TRPC5: variants seen among roughly 807,000 people sequenced by gnomAD.
The protein encoded by TRPC5 is transient receptor potential cation channel subfamily C member 5, also known as short transient receptor potential channel 5.
In TRPC5, 9 loss-of-function variants were observed where a neutral mutation model predicts 56.5. That is an observed-to-expected ratio of 0.16 (90% CI 0.10 to 0.28). The LOEUF (loss-of-function observed/expected upper bound fraction) is 0.28. TRPC5 is among the 10% of genes least tolerant of loss of function. The pLI is 1.00. For missense variants in TRPC5, 469 were observed against 748.9 expected (o/e 0.63, Z 4.36); for synonymous variants, 282 against 278.5 (o/e 1.01, Z -0.13).
chrX:111,914,035 C>A (rs1170271947), intron 2 of TRPC5, among the ~76,000 whole-genome samples: 2 of 109,423 alleles, frequency 1.8e-5, no homozygotes, highest in Non-Finnish European at 3.8e-5. Flanking sequence ...AGGCAGCTTG[C>A]TAGACTCACA....
Position 111,909,420 on chromosome X carries a change from A to T in TRPC5, c.900+2871T>A, listed in dbSNP as rs192841631. ...TATGAAACTATGCTTAGATAAGTTC[A>T]CTATTGAAAGTAAAATAGACACTCC... On this transcript the variant is annotated intron_variant, in intron 3 of 10. Coordinates refer to ENST00000262839, the MANE Select transcript of TRPC5 (RefSeq NM_012471.3). Among the ~76,000 whole-genome samples the T allele has an allele frequency of 1.2e-4, 13 of 110,844 alleles. No individual in the cohort carries two copies. The East Asian group carries it at 3.4e-3, about 29-fold the overall frequency.
At chrX:111,862,722 C>T (rs1225732012) in intron 3 of TRPC5, among the ~76,000 whole-genome samples, 1 of 112,006 alleles carries the variant, frequency 8.9e-6, no homozygotes, top group Non-Finnish European at 1.9e-5. Context: ...TGTTTTGACA[C>T]CCTTGTTGAA....
intron 1 of TRPC5, among the ~76,000 whole-genome samples, chrX:112,070,808 G>C (rs1476458836): frequency 9.2e-6 from 1 of 108,545 alleles, no homozygotes; most frequent in Non-Finnish European, 1.9e-5. Context: ...ATTTTCAAAA[G>C]TATAGTTTCT....
intron 1 of TRPC5, among the ~76,000 whole-genome samples, chrX:112,041,699 A>G (rs912742438): frequency 4.5e-5 from 5 of 111,758 alleles, no homozygotes; most frequent in Non-Finnish European, 7.5e-5. Context: ...TTAATTTTTC[A>G]TTTGCAATGC....
chrX:111,915,597 T>C (rs1368020163), intron 2 of TRPC5, among the ~76,000 whole-genome samples: 1 of 111,951 alleles, frequency 8.9e-6, no homozygotes, highest in African/African-American at 3.3e-5. Flanking sequence ...GGCACAAGGT[T>C]ACATGCAAGA....
chrX:112,001,759 T>G (rs1928703120), intron 1 of TRPC5, among the ~76,000 whole-genome samples: 1 of 111,942 alleles, frequency 8.9e-6, no homozygotes, highest in Admixed American at 9.5e-5. Flanking sequence ...AGACTCTGAC[T>G]GAAAACAAAA....
At position 111,776,629 on chromosome X, in the gene TRPC5, T is replaced by C; in HGVS notation, c.2606A>G (p.Asp869Gly). 8.3e-7 allele frequency: 1 copy of C among 1,211,890 alleles called. No homozygotes were observed. Among genetic ancestry groups the C allele is most frequent in the Non-Finnish European group, 1.1e-6 (1 of 895,517 alleles). The change falls in exon 11 of 11, where the codon GAT becomes GGT. Residue 869 changes from aspartate (D) to glycine (G), a missense_variant. Transcript: ENST00000262839. ...PSSEPMYTISDGIVQQHCMWQ... is the reference protein window; with the variant it reads ...PSSEPMYTISGGIVQQHCMWQ... ...CATACAGTGCTGCTGAACAATTCCA[T>C]CAGAAATTGTGTACATTGGCTCTGA...
intron 3 of TRPC5, among the ~76,000 whole-genome samples, chrX:111,883,081 G>T (rs1376882652): frequency 6.6e-5 from 6 of 90,520 alleles, no homozygotes; most frequent in African/African-American, 2.8e-4. Flanking sequence ...GCAAGACTCT[G>T]TCTCAAAAAA....
intron 7 of TRPC5, among the ~76,000 whole-genome samples, chrX:111,824,124 G>T (rs762144192): frequency 4.6e-5 from 5 of 109,020 alleles, no homozygotes; most frequent in African/African-American, 1.3e-4. Flanking sequence ...CCAGCTACTC[G>T]GAAAGCTGAG....
chrX:111,989,169 G>A (rs186638979), intron 1 of TRPC5, among the ~76,000 whole-genome samples: 2 of 111,579 alleles, frequency 1.8e-5, no homozygotes, highest in Non-Finnish European at 3.8e-5. Flanking sequence ...GCTATCAAGT[G>A]TCTGTTAATG....
intron 1 of TRPC5, among the ~76,000 whole-genome samples, chrX:112,030,336 T>C (rs777481439): frequency 4.0e-4 from 45 of 112,656 alleles, no homozygotes; most frequent in Admixed American, 9.4e-4. Flanking sequence ...GCCTCGAAGA[T>C]ATGTGACTTG....
rs145259740 is a variant in TRPC5 at position 111,965,588 on chromosome X, C to T, written c.-21-13147G>A. ...CATAGTTGGAAGTGAAGCACTCCTC[C>T]GCAAATGTAAAAGAATAGAAATTAT... On this transcript the variant is annotated intron_variant, in intron 1 of 10. Transcript: ENST00000262839. Among the ~76,000 whole-genome samples, 725 of 111,347 alleles carry T rather than the reference C, an allele frequency of 6.5e-3. 6 individuals carry two copies. The highest frequency in any genetic ancestry group is 0.022 in the African/African-American group (666 of 30,618).
At position 112,052,758 on chromosome X, in the gene TRPC5, G is replaced by T. The variant is rs149747148; in HGVS notation, c.-22+29121C>A. Among the ~76,000 whole-genome samples the T allele has an allele frequency of 9.9e-3, 1,106 of 111,587 alleles. 11 individuals are homozygous for T. The highest frequency in any genetic ancestry group is 0.034 in the African/African-American group (1,052 of 30,722). The stretch of plus-strand genomic sequence containing the variant: ...CTGTGCTTTTAACTCTTATATTTAG[G>T]TCTTTGATTTATTTAGAGTTAATTT... On this transcript the variant is annotated intron_variant, in intron 1 of 10. Coordinates refer to ENST00000262839, the MANE Select transcript of TRPC5 (RefSeq NM_012471.3).
At chrX:111,939,479 T>C (rs1926707294) in intron 2 of TRPC5, among the ~76,000 whole-genome samples, 2 of 111,884 alleles carry the variant, frequency 1.8e-5, no homozygotes, top group Admixed American at 9.5e-5. Context: ...GATTAGTTCT[T>C]CTTCAAATGT....
At chrX:111,826,958 G>A (rs1261563827) in intron 7 of TRPC5, among the ~76,000 whole-genome samples, 2 of 111,508 alleles carry the variant, frequency 1.8e-5, no homozygotes, top group South Asian at 3.8e-4. Flanking sequence ...GTCTGTTAGG[G>A]CCCTTGTAGT....
chrX:111,856,684 T>C (rs975987776), intron 3 of TRPC5, among the ~76,000 whole-genome samples: 3 of 107,522 alleles, frequency 2.8e-5, no homozygotes, highest in Non-Finnish European at 5.8e-5. Flanking sequence ...GGCATGGTGG[T>C]GTGCGCCTGT....
intron 7 of TRPC5, among the ~76,000 whole-genome samples, chrX:111,810,072 G>A (rs1262639373): frequency 1.8e-5 from 2 of 109,986 alleles, no homozygotes; most frequent in African/African-American, 6.7e-5. Context: ...CCGCCACCAT[G>A]CCAGGCTAAT....
intron 1 of TRPC5, among the ~76,000 whole-genome samples, chrX:111,997,613 AC>A (rs1395415926): frequency 1.8e-5 from 2 of 110,362 alleles, no homozygotes; most frequent in Admixed American, 9.7e-5. Flanking sequence ...TGTTCCCATC[AC>A]TTTTAGGTAC....
intron 1 of TRPC5, among the ~76,000 whole-genome samples, chrX:112,064,788 G>T (rs918176404): frequency 4.5e-5 from 5 of 112,186 alleles, no homozygotes; most frequent in Non-Finnish European, 7.5e-5. Context: ...TAAAAGAAAA[G>T]ATTAGGCCGG....
Sources: allele counts gnomAD v4.1 joint callset (sites outside exome capture counted in the v4.1 genomes callset), GRCh38; gene constraint gnomAD v4.1.1; transcripts MANE v1.5; gene names NCBI Gene and HGNC (gene_info 2026-07-23, HGNC 2026-07-21).